GRIPAP1: variants seen among roughly 807,000 people sequenced by gnomAD.
GRIPAP1 encodes GRIP1 associated protein 1.
GRIPAP1 carries 14 observed loss-of-function variants against 84.1 expected under a neutral mutation model. That is an observed-to-expected ratio of 0.17 (90% CI 0.11 to 0.26). The LOEUF is 0.26. Ranked by LOEUF, GRIPAP1 falls within the 10% of genes least tolerant of loss-of-function variation. The pLI, the probability that GRIPAP1 is intolerant of heterozygous loss-of-function variation, is 1.00. For missense variants in GRIPAP1, 518 were observed against 674.2 expected (o/e 0.77, Z 2.57); for synonymous variants, 261 against 256.8 (o/e 1.02, Z -0.15).
rs111511330 is a variant in GRIPAP1 at position 48,998,810 on chromosome X, C to T, written c.171+428G>A. The stretch of plus-strand genomic sequence containing the variant: ...GCACCTCGAATGTCTTGAGGGGCCA[C>T]AATAGGTTATATCCTATCTCATCTT... On this transcript the variant is annotated intron_variant, in intron 3 of 25. Coordinates refer to ENST00000376423, the MANE Select transcript of GRIPAP1 (RefSeq NM_020137.5). 2.9e-4 allele frequency among the ~76,000 whole-genome samples: 32 copies of T among 111,790 alleles called. No homozygotes were observed. In the Admixed American group the frequency reaches 3.1e-3, roughly 11 times the overall value.
At chrX:48,979,408 C>T (rs1557061396) in intron 21 of GRIPAP1, among the ~76,000 whole-genome samples, 5 of 80,036 alleles carry the variant, frequency 6.2e-5, no homozygotes, top group South Asian at 2.0e-3. Context: ...ACCCGGGAGG[C>T]GGAGGTTGCA....
rs182737285 is a variant in GRIPAP1 at position 48,987,562 on chromosome X, C to T, written c.1041+223G>A. Among the ~76,000 whole-genome samples the T allele has an allele frequency of 2.9e-3, 294 of 102,288 alleles. 1 individual carries two copies. Among genetic ancestry groups the T allele is most frequent in the Middle Eastern group, 4.9e-3 (1 of 204 alleles). The allele number at this position is 102,288 out of a possible 115,157, so 88.8% of individuals were successfully genotyped here. On this transcript the variant is annotated intron_variant, in intron 13 of 25. Coordinates refer to ENST00000376423, the MANE Select transcript of GRIPAP1 (RefSeq NM_020137.5). Reference sequence around the variant, plus strand: ...CCTGGGTCCTGGTTCAAGCAATTCTCCTGCCTCAGCCTCCCCAATAAAATT... The same window carrying T: ...CCTGGGTCCTGGTTCAAGCAATTCTTCTGCCTCAGCCTCCCCAATAAAATT...
intron 21 of GRIPAP1, among the ~76,000 whole-genome samples, chrX:48,979,186 GA>G (rs2064439530): frequency 9.1e-6 from 1 of 109,761 alleles, no homozygotes; most frequent in Non-Finnish European, 1.9e-5. Flanking sequence ...GAGACAGAGA[GA>G]AAAAAAGATG....
chrX:48,980,516 GAGAC>G (rs1478456274), intron 21 of GRIPAP1, among the ~76,000 whole-genome samples: 1 of 110,641 alleles, frequency 9.0e-6, no homozygotes, highest in Non-Finnish European at 1.9e-5. Flanking sequence ...ATACAGTGAG[GAGAC>G]AGACAGAGAT....
chrX:48,987,515 C>T (rs782643270), intron 13 of GRIPAP1, among the ~76,000 whole-genome samples: 2 of 94,793 alleles, frequency 2.1e-5, no homozygotes, highest in East Asian at 3.3e-4. Flanking sequence ...GGTGCGATCT[C>T]GGCTCACTGA....
Position 48,981,233 on chromosome X carries a change from T to G in GRIPAP1, c.1912A>C (p.Asn638His). The G allele has an allele frequency of 8.3e-7, 1 of 1,208,307 alleles. No homozygotes were observed. The highest frequency in any genetic ancestry group is 1.7e-5 in the African/African-American group (1 of 57,780). ...LQERLQDILT[N>H]SKSRSGLEEL... ...CCCTCACCTGAGCGGCTCTTGCTGT[T>G]AGTGAGGATGTCCTGCAGTCGCTCC... is the stretch of plus-strand genomic sequence containing the variant. The change falls in exon 21 of 26, where the codon AAC becomes CAC. Residue 638 changes from asparagine (N) to histidine (H), a missense_variant. By Grantham distance (68) the Asn-to-His change is moderately conservative (BLOSUM62 1). Transcript: ENST00000376423.
intron 5 of GRIPAP1, among the ~76,000 whole-genome samples, chrX:48,995,691 G>A (rs1377793882): frequency 6.3e-5 from 7 of 110,741 alleles, no homozygotes; most frequent in Non-Finnish European, 1.3e-4. Flanking sequence ...CGCCTCCCGG[G>A]TTCAAGCGAT....
chrX:48,976,753 A>G (rs782215786), intron 22 of GRIPAP1, among the ~76,000 whole-genome samples: 64 of 111,382 alleles, frequency 5.7e-4, no homozygotes, highest in Non-Finnish European at 1.0e-3. Flanking sequence ...TCAGGAAAAA[A>G]GGGACCGCAC....
chrX:48,975,385 G>A, intron 24 of GRIPAP1, 76 bp from the exon 25 acceptor site: 1 of 1,014,975 alleles, frequency 9.9e-7, no homozygotes, highest in South Asian at 2.3e-5. Context: ...GGAGAAAAGA[G>A]GGAGACGAAT....
At chrX:48,991,340 A>C in intron 6 of GRIPAP1, 1 of 384,469 alleles carries the variant, frequency 2.6e-6, no homozygotes, top group Non-Finnish European at 4.5e-6. Context: ...AGTGCACTGG[A>C]ATGATCACAG....
chrX:48,999,005 A>G, intron 3 of GRIPAP1: 1 of 375,094 alleles, frequency 2.7e-6, no homozygotes, highest in Non-Finnish European at 4.6e-6. Flanking sequence ...AGAATGAGTA[A>G]CTGAAATTAG....
At chrX:48,983,146 T>C in intron 16 of GRIPAP1, 54 bp from the exon 17 acceptor site, 1 of 1,117,526 alleles carries the variant, frequency 8.9e-7, no homozygotes, top group East Asian at 3.0e-5. Context: ...GGGCACCTGA[T>C]GCATGCCACC....
intron 22 of GRIPAP1, among the ~76,000 whole-genome samples, chrX:48,976,638 A>C (rs1456043644): frequency 2.7e-5 from 3 of 111,673 alleles, no homozygotes. Flanking sequence ...GAAAACTGGA[A>C]GAGAGGGACA....
At chrX:48,989,416 T>A (rs1162074032) in intron 11 of GRIPAP1, among the ~76,000 whole-genome samples, 195 bp downstream of exon 11, 1 of 110,709 alleles carries the variant, frequency 9.0e-6, no homozygotes, top group Non-Finnish European at 1.9e-5. Flanking sequence ...CCCTGAGATC[T>A]TACACTCATG....
At position 48,983,422 on chromosome X, in the gene GRIPAP1, C is replaced by T. The variant is rs782087782; in HGVS notation, c.1291G>A (p.Ala431Thr). 5.5e-5 allele frequency: 66 copies of T among 1,207,941 alleles called. No homozygotes were observed. Among genetic ancestry groups the T allele is most frequent in the Non-Finnish European group, 6.8e-5 (61 of 893,302 alleles). Reference sequence around the variant, plus strand: ...TCCATTGCTAGCTCATCCAGCATGGCCTTCCGCTTCTCCGCACTCTGGGGG... The same window carrying T: ...TCCATTGCTAGCTCATCCAGCATGGTCTTCCGCTTCTCCGCACTCTGGGGG... ...EARKSAEKRK[A>T]MLDELAMETL... is the part of the protein sequence containing the mutation. Residue 431 changes from alanine to threonine, a missense_variant, in exon 16 of 26, where the codon GCC (alanine) becomes ACC (threonine). This residue lies in a region of GRIPAP1 where 372 missense variants were observed against 458.1 expected (regional missense o/e 0.81). Coordinates refer to ENST00000376423, the MANE Select transcript of GRIPAP1 (RefSeq NM_020137.5).
At position 48,997,247 on chromosome X, in the gene GRIPAP1, C is replaced by T; in HGVS notation, c.306+3G>A. On this transcript the variant is annotated splice_donor_region_variant and intron_variant, in intron 5 of 25. Coordinates refer to ENST00000376423, the MANE Select transcript of GRIPAP1 (RefSeq NM_020137.5). ...CCCCTTTGACTATCCCAGGCACCAG[C>T]ACCTTGCTGAACTCGGCCATTAGTG... is the stretch of plus-strand genomic sequence containing the variant. 9.3e-7 allele frequency: 1 copy of T among 1,071,338 alleles called. No homozygotes were observed. Among genetic ancestry groups the T allele is most frequent in the East Asian group, 3.1e-5 (1 of 32,625 alleles). The allele number at this position is 1,071,338 out of a possible 1,213,427, so 88.3% of individuals were successfully genotyped here.
At chrX:48,992,970 G>A (rs1164924166) in intron 6 of GRIPAP1, among the ~76,000 whole-genome samples, 2 of 110,653 alleles carry the variant, frequency 1.8e-5, no homozygotes, top group East Asian at 2.9e-4. Context: ...ACAGGCGCCC[G>A]CCACCGTGCC....
At chrX:49,000,691 T>A (rs1557068325) in intron 1 of GRIPAP1, 1 of 109,686 alleles carries the variant, frequency 9.1e-6, no homozygotes, top group Non-Finnish European at 1.9e-5. Flanking sequence ...AGACTCTGTC[T>A]CAAAAAAAAA....
chrX:48,996,057 AG>A (rs1388669786), intron 5 of GRIPAP1, among the ~76,000 whole-genome samples: 1 of 112,032 alleles, frequency 8.9e-6, no homozygotes, highest in Non-Finnish European at 1.9e-5. Context: ...GTGAAGAGGC[AG>A]GTACTGTTAT....
Sources: allele counts gnomAD v4.1 joint callset (sites outside exome capture counted in the v4.1 genomes callset), GRCh38; gene constraint gnomAD v4.1.1; regional missense constraint gnomAD v4.1.1; transcripts MANE v1.5; gene names NCBI Gene and HGNC (gene_info 2026-07-23, HGNC 2026-07-21).